SRGAP1: variants seen among roughly 807,000 people sequenced by gnomAD.
The protein encoded by SRGAP1 is SLIT-ROBO Rho GTPase activating protein 1.
A neutral mutation model predicts 121.9 loss-of-function variants in SRGAP1; 43 were observed. The ratio of observed to expected loss-of-function variants is 0.35; its 90% CI spans 0.28 to 0.46. The LOEUF (loss-of-function observed/expected upper bound fraction) is 0.46. Among genes scored for constraint, SRGAP1 ranks in the 20% least tolerant of loss-of-function variants. The pLI is 1.00. For missense variants in SRGAP1, 1,102 were observed against 1,350.9 expected, an observed-to-expected ratio of 0.82 and a Z score of 2.89; for synonymous variants, 447 against 485.4, an observed-to-expected ratio of 0.92 and a Z score of 1.04.
intron 1 of SRGAP1, among the ~76,000 whole-genome samples, chr12:63,917,178 C>T (rs938870044): frequency 3.3e-5 from 5 of 152,246 alleles, no homozygotes; most frequent in African/African-American, 1.2e-4. Context: ...AATATATGTA[C>T]AACACTAATA....
chr12:64,122,553 C>T (rs934529914), intron 18 of SRGAP1, among the ~76,000 whole-genome samples: 2 of 152,156 alleles, frequency 1.3e-5, no homozygotes, highest in Non-Finnish European at 2.9e-5. Flanking sequence ...CTGTCATAAC[C>T]TGACCACATT....
At chr12:64,058,847 C>T (rs931386165) in intron 6 of SRGAP1, among the ~76,000 whole-genome samples, 4 of 151,876 alleles carry the variant, frequency 2.6e-5, no homozygotes, top group Non-Finnish European at 4.4e-5. Context: ...ACTAGCCTTG[C>T]TGTCTCAGGA....
chr12:63,892,449 T>C (rs1020949640), intron 1 of SRGAP1, among the ~76,000 whole-genome samples: 1 of 152,228 alleles, frequency 6.6e-6, no homozygotes, highest in Non-Finnish European at 1.5e-5. Context: ...GAATTGAACA[T>C]ATTCATCTCT....
At chr12:63,938,619 C>A (rs1045739606) in intron 1 of SRGAP1, among the ~76,000 whole-genome samples, 2 of 152,076 alleles carry the variant, frequency 1.3e-5, no homozygotes, top group Non-Finnish European at 2.9e-5. Context: ...GGTTAAACAG[C>A]TGGAAGGTGG....
chr12:64,013,668 C>A (rs185635190), intron 3 of SRGAP1, among the ~76,000 whole-genome samples: 1 of 152,236 alleles, frequency 6.6e-6, no homozygotes, highest in East Asian at 1.9e-4. Flanking sequence ...TTACATATAC[C>A]TTATTATGGG....
chr12:63,851,699 G>A (rs1899080114), intron 1 of SRGAP1, among the ~76,000 whole-genome samples: 1 of 151,306 alleles, frequency 6.6e-6, no homozygotes, highest in Admixed American at 6.6e-5. Context: ...CAAGTAGCTA[G>A]GATTACAGGC....
chr12:63,922,080 G>A (rs1012934688), intron 1 of SRGAP1, among the ~76,000 whole-genome samples: 1 of 151,718 alleles, frequency 6.6e-6, no homozygotes, highest in African/African-American at 2.4e-5. Flanking sequence ...CCGGCTTCCA[G>A]TGATTCTCTT....
chr12:64,101,194 G>A (rs2036247702), intron 15 of SRGAP1, among the ~76,000 whole-genome samples: 1 of 152,140 alleles, frequency 6.6e-6, no homozygotes, highest in Admixed American at 6.5e-5. Flanking sequence ...AATTTCACAT[G>A]ACAGTTATTT....
chr12:63,897,922 G>A (rs906448159), intron 1 of SRGAP1, among the ~76,000 whole-genome samples: 1 of 152,152 alleles, frequency 6.6e-6, no homozygotes, highest in African/African-American at 2.4e-5. Context: ...AGGCACAAAA[G>A]ACTCACTCAC....
At chr12:64,048,333 C>T (rs1015870806) in intron 6 of SRGAP1, among the ~76,000 whole-genome samples, 6 of 152,218 alleles carry the variant, frequency 3.9e-5, no homozygotes, top group South Asian at 4.1e-4. Context: ...GACAGGATCT[C>T]GTTCTTTTTC....
chr12:64,026,735 G>A (rs1379343906), intron 4 of SRGAP1, among the ~76,000 whole-genome samples: 1 of 151,480 alleles, frequency 6.6e-6, no homozygotes, highest in African/African-American at 2.4e-5. Context: ...GCATGGTGAT[G>A]CGCGCCTGTA....
chr12:64,134,752 ATCTGAC>A (rs2036834422), intron 21 of SRGAP1, among the ~76,000 whole-genome samples: 2 of 152,164 alleles, frequency 1.3e-5, no homozygotes, highest in African/African-American at 4.8e-5. Context: ...ATTCAGCCTG[ATCTGAC>A]TCTATGTTCC....
At chr12:64,108,806 T>A (rs921965204) in intron 15 of SRGAP1, 126 bp from the exon 16 acceptor site, 5 of 535,892 alleles carry the variant, frequency 9.3e-6, no homozygotes, top group Admixed American at 3.4e-5. Flanking sequence ...TTGGTTACAA[T>A]TGGATCTCAC....
At chr12:64,075,248 C>T (rs1446550088) in intron 8 of SRGAP1, among the ~76,000 whole-genome samples, 3 of 152,148 alleles carry the variant, frequency 2.0e-5, no homozygotes, top group Non-Finnish European at 2.9e-5. Context: ...AGGGATGGGC[C>T]GAATTAAAGG....
chr12:64,144,906 G>A lies in SRGAP1; in HGVS notation c.*2234G>A, dbSNP rs1383376428. Reference sequence around the variant, plus strand: ...GTCGCCCAGGCCAGAGTACAGTGGTGCAATCTCGGCTCCCTGCAACCTCCA... The same window carrying A: ...GTCGCCCAGGCCAGAGTACAGTGGTACAATCTCGGCTCCCTGCAACCTCCA... On this transcript the variant is annotated 3_prime_UTR_variant, in exon 22 of 22. Transcript: ENST00000355086. 1.5e-5 allele frequency: 2 copies of A among 136,732 alleles called. No homozygotes were observed. Among genetic ancestry groups the A allele is most frequent in the Non-Finnish European group, 3.0e-5 (2 of 66,240 alleles). 8.5% of individuals were successfully genotyped at this position (136,732 alleles called of 1,614,324 possible).
chr12:64,032,619 A>G, intron 4 of SRGAP1: 1 of 462,128 alleles, frequency 2.2e-6, no homozygotes, highest in Non-Finnish European at 3.9e-6. Flanking sequence ...AAGCCCCCAC[A>G]GTCACTTTTT....
In SRGAP1 at chr12:64,044,688, T is replaced by TTTTTTTTTTTTTTTG. The variant is rs2035091321; in HGVS notation, c.801+1124_801+1125insTTTGTTTTTTTTTTT. On this transcript the variant is annotated intron_variant, in intron 6 of 21. Transcript: ENST00000355086. ...CTGATGTGCCTCTTTTTTTTTTTTTTTTTTTTTTTTTAAGACAGAGTCTCA... is the reference window on the plus strand; with the variant it reads ...CTGATGTGCCTCTTTTTTTTTTTTTTTTTTTTTTTTTTTTGTTTTTTTTTTTAAGACAGAGTCTCA... 1.4e-5 allele frequency among the ~76,000 whole-genome samples: 2 copies of TTTTTTTTTTTTTTTG among 141,280 alleles called. 1 individual carries two copies. Among genetic ancestry groups the TTTTTTTTTTTTTTTG allele is most frequent in the Non-Finnish European group, 3.1e-5 (2 of 64,146 alleles). The allele number at this position is 141,280 out of a possible 152,430, so 92.7% of individuals were successfully genotyped here. A position where few individuals can be genotyped will look rare whatever the true frequency, so the allele number is the denominator to read the frequency against.
In SRGAP1 at chr12:64,043,512, A is replaced by G. The variant is rs1388960708; in HGVS notation, c.738A>G (p.Thr246=). The G allele has an allele frequency of 6.2e-7, 1 of 1,612,374 alleles. No homozygotes were observed. Among genetic ancestry groups the G allele is most frequent in the South Asian group, 1.1e-5 (1 of 90,942 alleles). Residue 246 remains threonine (T), a synonymous_variant, in exon 6 of 22, where the codon ACA becomes ACG. Transcript: ENST00000355086. ...SIKARNEYLL[T]LEATNASVFK... is the part of the protein sequence containing the mutation. ...AGGCACGGAACGAATATCTCCTAAC[A>G]CTTGAAGCCACCAATGCCTCAGTTT...
chr12:64,121,063 G>A (rs1171011174), intron 18 of SRGAP1, among the ~76,000 whole-genome samples: 4 of 149,868 alleles, frequency 2.7e-5, no homozygotes, highest in Non-Finnish European at 5.9e-5. Flanking sequence ...GCCCAGGCTG[G>A]AGTACAGTGG....
Sources: gnomAD v4.1 joint callset for allele counts (sites outside exome capture counted in the v4.1 genomes callset) on GRCh38, gnomAD v4.1.1 for gene constraint, MANE v1.5 for transcripts, NCBI Gene and HGNC (gene_info 2026-07-23, HGNC 2026-07-21) for gene names.